SYCP1: variants seen among roughly 807,000 people sequenced by gnomAD.
The protein encoded by SYCP1 is synaptonemal complex protein 1, also known as cancer/testis antigen 8.
Under a neutral mutation model 153.1 loss-of-function variants are expected in SYCP1, and 64 were observed. The observed-to-expected ratio is 0.42, with a 90% CI of 0.34 to 0.51. The LOEUF (loss-of-function observed/expected upper bound fraction) is 0.51, where lower values mean the gene tolerates loss of function less well. SYCP1 is among the 20% of genes least tolerant of loss of function. The pLI is 0.06. For synonymous variants in SYCP1, 384 were observed against 341.8 expected (o/e 1.12, Z -1.36); for missense variants, 997 against 1,049.0 (o/e 0.95, Z 0.68).
At position 114,886,227 on chromosome 1, in the gene SYCP1, A is replaced by G; in HGVS notation, c.1108A>G (p.Arg370Gly). The change falls in exon 14 of 32, where the codon AGA becomes GGA. Residue 370 changes from arginine to glycine, a missense_variant. By Grantham distance (125) the Arg-to-Gly change is moderately radical. Around this residue, in one of 2 missense-constraint regions of SYCP1, gnomAD observed 712 missense variants for 682.9 expected, o/e 1.04. Transcript: ENST00000369522. ...TCAAATGGAAGAATCTAATAAAGCT[A>G]GAGCTGCTCATTCGTTTGTGGTTAC... ...ETQMEESNKA[R>G]AAHSFVVTEF... 1 of 1,611,266 alleles carries G rather than the reference A, an allele frequency of 6.2e-7. No homozygotes were observed. The highest frequency in any genetic ancestry group is 8.5e-7 in the Non-Finnish European group (1 of 1,178,774).
At chr1:114,932,367 A>T (rs1669688485) in intron 23 of SYCP1, among the ~76,000 whole-genome samples, 1 of 152,192 alleles carries the variant, frequency 6.6e-6, no homozygotes, top group Admixed American at 6.5e-5. Flanking sequence ...AAAAATAAAT[A>T]TCTCAACTCA....
At chr1:114,956,593 T>G (rs1182229833) in intron 27 of SYCP1, among the ~76,000 whole-genome samples, 1 of 152,182 alleles carries the variant, frequency 6.6e-6, no homozygotes, top group Non-Finnish European at 1.5e-5. Flanking sequence ...TGCAGAGACC[T>G]GCTGGGAGGC....
rs548597257 is a variant in SYCP1 at position 114,965,584 on chromosome 1, T to A, written c.2323-11973T>A. Among the ~76,000 whole-genome samples, 15 of 152,342 alleles carry A rather than the reference T, an allele frequency of 9.8e-5. No individual in the cohort carries two copies. The South Asian group carries it at 2.5e-3, about 25-fold the overall frequency. On this transcript the variant is annotated intron_variant, in intron 27 of 31. Coordinates refer to ENST00000369522, the MANE Select transcript of SYCP1 (RefSeq NM_003176.4). Reference sequence around the variant, plus strand: ...TAGCATGAAGGGGTGTTGAATTTTATCGAAGGCCTTTTCTGCATCTATTGA... The same window carrying A: ...TAGCATGAAGGGGTGTTGAATTTTAACGAAGGCCTTTTCTGCATCTATTGA...
intron 20 of SYCP1, among the ~76,000 whole-genome samples, chr1:114,919,926 A>G (rs1407052833): frequency 6.6e-6 from 1 of 151,012 alleles, no homozygotes; most frequent in African/African-American, 2.4e-5. Context: ...AGTTTTGTCA[A>G]TTTTATCTTT....
chr1:114,992,603 A>G (rs567098411), intron 30 of SYCP1, among the ~76,000 whole-genome samples: 1 of 151,720 alleles, frequency 6.6e-6, no homozygotes, highest in Non-Finnish European at 1.5e-5. Flanking sequence ...AAAAGAATTA[A>G]GTTGGATCCT....
chr1:114,858,757 C>T lies in SYCP1; in HGVS notation c.456+46C>T, dbSNP rs776425003. On this transcript the variant is annotated intron_variant, in intron 6 of 31. Coordinates refer to ENST00000369522, the MANE Select transcript of SYCP1 (RefSeq NM_003176.4). ...GTAAACATAGTATAGTAAATCTAAT[C>T]ATAATACTGTTGAAAGTAGAGTATT... 8.2e-6 allele frequency: 12 copies of T among 1,470,448 alleles called. No individual in the cohort carries two copies. The East Asian group carries it at 1.8e-4, about 22-fold the overall frequency. The allele number at this position is 1,470,448 out of a possible 1,614,324, so 91.1% of individuals were successfully genotyped here. A position where few individuals can be genotyped will look rare whatever the true frequency, so the allele number is the denominator to read the frequency against.
chr1:114,980,678 G>A (rs915929090), intron 28 of SYCP1, among the ~76,000 whole-genome samples: 6 of 151,734 alleles, frequency 4.0e-5, no homozygotes, highest in African/African-American at 1.5e-4. Flanking sequence ...CATAGATTAG[G>A]GCTTTTTGCC....
intron 30 of SYCP1, 76 bp downstream of exon 30, chr1:114,984,944 A>T: frequency 1.4e-6 from 1 of 733,850 alleles, no homozygotes; most frequent in Non-Finnish European, 1.9e-6. Flanking sequence ...ATATACATGT[A>T]TAATATATTT....
At chr1:114,908,693 A>G (rs963961020) in intron 16 of SYCP1, among the ~76,000 whole-genome samples, 9 of 151,406 alleles carry the variant, frequency 5.9e-5, no homozygotes, top group Non-Finnish European at 1.3e-4. Flanking sequence ...ATTTGTTCTT[A>G]TTTTCTATTT....
intron 8 of SYCP1, among the ~76,000 whole-genome samples, chr1:114,873,061 G>A (rs1368351576): frequency 6.6e-6 from 1 of 152,098 alleles, no homozygotes; most frequent in Admixed American, 6.6e-5. Context: ...CTTGCGTGAT[G>A]TCTACTTTAT....
At chr1:114,920,231 A>G (rs1668778627) in intron 20 of SYCP1, among the ~76,000 whole-genome samples, 1 of 151,916 alleles carries the variant, frequency 6.6e-6, no homozygotes, top group Non-Finnish European at 1.5e-5. Context: ...TAATCTCTTT[A>G]TTGACCCACT....
chr1:114,889,485 G>A (rs1666546716), intron 15 of SYCP1, among the ~76,000 whole-genome samples: 1 of 152,060 alleles, frequency 6.6e-6, no homozygotes, highest in Non-Finnish European at 1.5e-5. Context: ...ATGTCTGTTG[G>A]CTGCATAAAT....
intron 8 of SYCP1, among the ~76,000 whole-genome samples, chr1:114,865,422 T>C (rs969652104): frequency 2.0e-5 from 3 of 152,254 alleles, no homozygotes; most frequent in African/African-American, 7.2e-5. Flanking sequence ...GTTTATTTTC[T>C]AACAGGCAGT....
chr1:114,894,937 A>C (rs1483446746), intron 15 of SYCP1, among the ~76,000 whole-genome samples: 3 of 152,134 alleles, frequency 2.0e-5, no homozygotes, highest in Admixed American at 6.5e-5. Flanking sequence ...TTTTATAATC[A>C]AATAGAATGT....
chr1:114,885,791 TA>T (rs202126027), intron 13 of SYCP1, among the ~76,000 whole-genome samples, 162 bp downstream of exon 13: 177 of 152,256 alleles, frequency 1.2e-3, no homozygotes, highest in African/African-American at 4.1e-3. Flanking sequence ...AGACATTGCA[TA>T]AAAACACATC....
chr1:114,857,205 T>C, intron 3 of SYCP1, 27 bp from the exon 4 acceptor site: 5 of 1,550,522 alleles, frequency 3.2e-6, no homozygotes, highest in Non-Finnish European at 4.3e-6. Flanking sequence ...TTGGCGTATT[T>C]AATACCTGTT....
chr1:114,984,656 GTGAAACCC>G (rs1673381348), intron 29 of SYCP1, 61 bp from the exon 30 acceptor site: 4 of 1,203,872 alleles, frequency 3.3e-6, no homozygotes, highest in Non-Finnish European at 4.3e-6. Flanking sequence ...AAAATTATTT[GTGAAACCC>G]TTTATTAATA....
chr1:114,875,790 A>G (rs537198001), intron 9 of SYCP1, among the ~76,000 whole-genome samples: 66 of 152,332 alleles, frequency 4.3e-4, no homozygotes, highest in Middle Eastern at 6.8e-3. Context: ...ACAGATTTTG[A>G]TACATGCTAT....
chr1:114,947,758 G>T (rs1272038615), intron 27 of SYCP1, among the ~76,000 whole-genome samples: 15 of 122,972 alleles, frequency 1.2e-4, no homozygotes, highest in Non-Finnish European at 2.1e-4. Context: ...GCTTGCAGCA[G>T]CCGAGATCGC....
Sources: allele counts gnomAD v4.1 joint callset (sites outside exome capture counted in the v4.1 genomes callset), GRCh38; gene constraint gnomAD v4.1.1; regional missense constraint gnomAD v4.1.1; transcripts MANE v1.5; gene names NCBI Gene and HGNC (gene_info 2026-07-23, HGNC 2026-07-21).